Variants in LHFPL3 observed in about 807,000 individuals in gnomAD.
LHFPL3 encodes the protein LHFPL tetraspan subfamily member 3.
A neutral mutation model predicts 19.3 loss-of-function variants in LHFPL3; 5 were observed. The ratio of observed to expected loss-of-function variants is 0.26; its 90% confidence interval spans 0.14 to 0.54. The LOEUF (loss-of-function observed/expected upper bound fraction) is 0.54, where lower values mean the gene tolerates loss of function less well. Among genes scored for constraint, LHFPL3 ranks in the 20% least tolerant of loss-of-function variants. The pLI is 0.94. For synonymous variants in LHFPL3, 133 were observed against 126.2 expected, an observed-to-expected ratio of 1.05 and a Z score of -0.36; for missense variants, 249 against 307.4, an observed-to-expected ratio of 0.81 and a Z score of 1.42.
chr7:104,668,092 T>C (rs1472881457), intron 1 of LHFPL3: 5 of 1,613,894 alleles, frequency 3.1e-6, no homozygotes, highest in Non-Finnish European at 1.7e-6. Flanking sequence ...ATTAAGGAAT[T>C]CTTTCGAGGA....
intron 2 of LHFPL3, among the ~76,000 whole-genome samples, chr7:104,847,670 C>T (rs1253116460): frequency 2.6e-5 from 4 of 152,172 alleles, no homozygotes; most frequent in African/African-American, 9.7e-5. Flanking sequence ...GCAACCATGC[C>T]CAGCTAATGT....
rs184313251 is a variant in LHFPL3 at position 104,447,180 on chromosome 7, G to A, written c.445+117956G>A. Among the ~76,000 whole-genome samples, 278 of 152,118 alleles carry A rather than the reference G, an allele frequency of 1.8e-3. 1 individual carries two copies. Among genetic ancestry groups the A allele is most frequent in the African/African-American group, 6.3e-3 (263 of 41,492 alleles). On this transcript the variant is annotated intron_variant, in intron 1 of 2. Coordinates refer to ENST00000424859, the MANE Select transcript of LHFPL3 (RefSeq NM_199000.3). Reference sequence around the variant, plus strand: ...TTATTATATAATTGGATATAAAATTGCTTTCAGCTTGAGTCTCAGACTGCA... The same window carrying A: ...TTATTATATAATTGGATATAAAATTACTTTCAGCTTGAGTCTCAGACTGCA...
intron 1 of LHFPL3, among the ~76,000 whole-genome samples, chr7:104,555,288 A>T (rs1794742675): frequency 6.6e-6 from 1 of 152,226 alleles, no homozygotes; most frequent in South Asian, 2.1e-4. Context: ...TATAAAAGAG[A>T]ACCCAGAGAG....
At chr7:104,549,694 C>A (rs569115316) in intron 1 of LHFPL3, among the ~76,000 whole-genome samples, 2 of 152,212 alleles carry the variant, frequency 1.3e-5, no homozygotes, top group African/African-American at 4.8e-5. Context: ...TGGTGAGGAA[C>A]GTTTTGCTTA....
At chr7:104,420,554 A>ATT (rs71153195) in intron 1 of LHFPL3, among the ~76,000 whole-genome samples, 32,266 of 111,456 alleles carry the variant, frequency 0.29, 5,528 homozygotes, top group Admixed American at 0.4. Context: ...CAAAGGGTGA[A>ATT]TTTTTTTTTT....
intron 1 of LHFPL3, among the ~76,000 whole-genome samples, chr7:104,534,556 G>T (rs1794360102): frequency 6.6e-6 from 1 of 152,208 alleles, no homozygotes; most frequent in African/African-American, 2.4e-5. Flanking sequence ...AACCAGAGGT[G>T]TTTTTGAGGT....
intron 1 of LHFPL3, among the ~76,000 whole-genome samples, chr7:104,350,246 A>T (rs1260903021): frequency 6.6e-6 from 1 of 152,158 alleles, no homozygotes; most frequent in African/African-American, 2.4e-5. Context: ...TCAAATTCTC[A>T]ATTAGTCTGT....
intron 2 of LHFPL3, among the ~76,000 whole-genome samples, chr7:104,767,793 T>C (rs951738216): frequency 1.3e-5 from 2 of 152,196 alleles, no homozygotes; most frequent in Non-Finnish European, 2.9e-5. Flanking sequence ...CCAACTCCCT[T>C]TCTCAACAGT....
At chr7:104,660,019 T>G (rs1402380610) in intron 1 of LHFPL3, among the ~76,000 whole-genome samples, 5 of 125,690 alleles carry the variant, frequency 4.0e-5, no homozygotes, top group Non-Finnish European at 7.0e-5. Flanking sequence ...TTTTTTTTTT[T>G]GAGACGGAGT....
chr7:104,775,419 C>G (rs545496607), intron 2 of LHFPL3, among the ~76,000 whole-genome samples: 51 of 152,176 alleles, frequency 3.4e-4, no homozygotes, highest in Non-Finnish European at 5.6e-4. Flanking sequence ...ATCAATACAG[C>G]TACTAATTTT....
chr7:104,661,029 A>G (rs145680592), intron 1 of LHFPL3, among the ~76,000 whole-genome samples: 23 of 152,282 alleles, frequency 1.5e-4, no homozygotes, highest in African/African-American at 5.3e-4. Context: ...TATTATTAGT[A>G]CAACTAACCT....
chr7:104,603,301 T>C (rs893697106), intron 1 of LHFPL3, among the ~76,000 whole-genome samples: 1 of 151,750 alleles, frequency 6.6e-6, no homozygotes, highest in African/African-American at 2.4e-5. Context: ...GCCCAAGCAG[T>C]CCTCCCACCT....
chr7:104,811,356 G>A (rs1584547572), intron 2 of LHFPL3, among the ~76,000 whole-genome samples: 1 of 151,890 alleles, frequency 6.6e-6, no homozygotes, highest in Admixed American at 6.6e-5. Flanking sequence ...CACTGTGCCT[G>A]GCTAATTTTT....
At chr7:104,494,203 C>G (rs1182865791) in intron 1 of LHFPL3, among the ~76,000 whole-genome samples, 3 of 152,190 alleles carry the variant, frequency 2.0e-5, no homozygotes, top group Non-Finnish European at 2.9e-5. Flanking sequence ...CAACAACTAA[C>G]ATATATTATT....
At chr7:104,487,369 A>G (rs969899063) in intron 1 of LHFPL3, among the ~76,000 whole-genome samples, 1 of 152,258 alleles carries the variant, frequency 6.6e-6, no homozygotes, top group Admixed American at 6.5e-5. Flanking sequence ...ATTCCAGCTC[A>G]GGGTCTCAAG....
intron 2 of LHFPL3, among the ~76,000 whole-genome samples, chr7:104,782,319 A>T (rs371215437): frequency 6.6e-6 from 1 of 152,242 alleles, no homozygotes. Context: ...AGAAGCTAGC[A>T]GTCTCTTAGA....
At chr7:104,820,696 T>A (rs912792751) in intron 2 of LHFPL3, among the ~76,000 whole-genome samples, 7 of 152,196 alleles carry the variant, frequency 4.6e-5, no homozygotes, top group Non-Finnish European at 1.5e-5. Flanking sequence ...ACTCTCAGTC[T>A]GACCTTCACT....
chr7:104,741,378 T>G (rs965129490), intron 2 of LHFPL3, among the ~76,000 whole-genome samples: 39 of 151,064 alleles, frequency 2.6e-4, no homozygotes, highest in African/African-American at 9.3e-4. Flanking sequence ...AAGACACAAC[T>G]GTTGTCTTAA....
chr7:104,373,171 T>G (rs561994573), intron 1 of LHFPL3, among the ~76,000 whole-genome samples: 2 of 152,304 alleles, frequency 1.3e-5, no homozygotes, highest in African/African-American at 4.8e-5. Flanking sequence ...TTAAGACCTT[T>G]CTCCCCTGTG....
Sources: allele counts gnomAD v4.1 joint callset (sites outside exome capture counted in the v4.1 genomes callset), GRCh38; gene constraint gnomAD v4.1.1; transcripts MANE v1.5; gene names NCBI Gene and HGNC (gene_info 2026-07-23, HGNC 2026-07-21).